The following PHTF2 variants were observed in gnomAD, a reference collection of about 807,000 sequenced individuals.
The protein encoded by PHTF2 is protein PHTF2.
PHTF2 carries 60 observed loss-of-function variants against 101.2 expected under a neutral mutation model. The ratio of observed to expected loss-of-function variants is 0.59; its 90% CI spans 0.48 to 0.73. PHTF2 has a LOEUF of 0.73. Among genes scored for constraint, PHTF2 ranks in the 30% least tolerant of loss-of-function variants. The pLI is 0.00. For missense variants in PHTF2, 747 were observed against 908.7 expected, an observed-to-expected ratio of 0.82 and a Z score of 2.29; for synonymous variants, 311 against 307.3, an observed-to-expected ratio of 1.01 and a Z score of -0.13.
chr7:77,854,648 C>T, intron 2 of PHTF2: 1 of 671,606 alleles, frequency 1.5e-6, no homozygotes, highest in Non-Finnish European at 2.7e-6. Context: ...AAATCTACTC[C>T]ATGCTGTATT....
intron 9 of PHTF2, among the ~76,000 whole-genome samples, chr7:77,917,528 C>T (rs571553925): frequency 6.6e-6 from 1 of 152,286 alleles, no homozygotes; most frequent in East Asian, 1.9e-4. Flanking sequence ...AAATACAATC[C>T]TGCGGGGTTC....
At chr7:77,895,528 T>C (rs921824872) in intron 5 of PHTF2, among the ~76,000 whole-genome samples, 48 of 152,086 alleles carry the variant, frequency 3.2e-4, no homozygotes, top group Admixed American at 1.4e-3. Context: ...ACAGGAGATA[T>C]AAGTACCTTG....
chr7:77,862,046 A>C (rs951634185), intron 3 of PHTF2, among the ~76,000 whole-genome samples: 1 of 151,256 alleles, frequency 6.6e-6, no homozygotes, highest in East Asian at 1.9e-4. Flanking sequence ...AACAAGAGCG[A>C]AACTCCATCT....
intron 1 of PHTF2, among the ~76,000 whole-genome samples, chr7:77,810,067 A>T (rs973355778): frequency 6.6e-6 from 1 of 152,172 alleles, no homozygotes; most frequent in African/African-American, 2.4e-5. Flanking sequence ...ATTTTGATGT[A>T]ATTTTAGATT....
At chr7:77,808,120 C>G (rs1475227702) in intron 1 of PHTF2, among the ~76,000 whole-genome samples, 1 of 152,046 alleles carries the variant, frequency 6.6e-6, no homozygotes, top group East Asian at 1.9e-4. Context: ...AGTGTGAGTC[C>G]TCCAAATTTG....
chr7:77,893,484 T>C (rs1273696445), intron 3 of PHTF2, 124 bp from the exon 3 acceptor site: 1 of 489,322 alleles, frequency 2.0e-6, no homozygotes, highest in East Asian at 3.1e-5. Flanking sequence ...ATCTGAGAAG[T>C]CTGAGATAGG....
rs191793063 is a variant in PHTF2, at chr7:77,948,852, A to C, written c.1960-826A>C. On this transcript the variant is annotated intron_variant, in intron 16 of 19. Transcript: ENST00000416283. Reference sequence around the variant, plus strand: ...GCTGAGAGTATAAATTGGTGCAACTATTTCAGAGACTAACTTACAATATCT... The same window carrying C: ...GCTGAGAGTATAAATTGGTGCAACTCTTTCAGAGACTAACTTACAATATCT... 1.7e-4 allele frequency among the ~76,000 whole-genome samples: 26 copies of C among 152,344 alleles called. No homozygotes were observed. The East Asian group carries it at 4.2e-3, about 25-fold the overall frequency.
intron 5 of PHTF2, among the ~76,000 whole-genome samples, chr7:77,896,493 G>A (rs1304850626): frequency 6.6e-6 from 1 of 152,302 alleles, no homozygotes; most frequent in South Asian, 2.1e-4. Flanking sequence ...GTTCGAGGCT[G>A]TAGTGAGCCA....
intron 1 of PHTF2, among the ~76,000 whole-genome samples, chr7:77,839,508 T>G (rs1795710369): frequency 6.6e-6 from 1 of 152,252 alleles, no homozygotes; most frequent in South Asian, 2.1e-4. Context: ...AATCTGTTTC[T>G]TGTAAGTTAC....
chr7:77,876,594 T>C (rs1244294535), intron 3 of PHTF2, among the ~76,000 whole-genome samples: 1 of 152,204 alleles, frequency 6.6e-6, no homozygotes, highest in African/African-American at 2.4e-5. Context: ...TTCTTTGATT[T>C]AGAAGCTAAA....
chr7:77,849,390 G>A (rs970887922), intron 2 of PHTF2, among the ~76,000 whole-genome samples: 8 of 151,856 alleles, frequency 5.3e-5, no homozygotes, highest in Non-Finnish European at 1.2e-4. Context: ...CACTCACCTC[G>A]GCCTCCTAAG....
intron 3 of PHTF2, among the ~76,000 whole-genome samples, chr7:77,877,168 T>C (rs958408377): frequency 6.7e-6 from 1 of 149,946 alleles, no homozygotes; most frequent in Admixed American, 6.8e-5. Context: ...CAGGCTGGAG[T>C]GCAGTGGCAC....
chr7:77,828,710 A>G (rs1794864252), intron 1 of PHTF2, among the ~76,000 whole-genome samples: 1 of 152,086 alleles, frequency 6.6e-6, no homozygotes, highest in African/African-American at 2.4e-5. Flanking sequence ...TCTGCTAAAA[A>G]TACAAAAATT....
chr7:77,914,680 G>A (rs1435891153), intron 9 of PHTF2, among the ~76,000 whole-genome samples: 2 of 152,040 alleles, frequency 1.3e-5, no homozygotes, highest in Non-Finnish European at 2.9e-5. Flanking sequence ...CAGTTTTGTT[G>A]TCTCTAACAT....
At position 77,866,567 on chromosome 7, in the gene PHTF2, T is replaced by C. The variant is rs149115689; in HGVS notation, c.147+11733T>C. 7.9e-5 allele frequency among the ~76,000 whole-genome samples: 12 copies of C among 152,296 alleles called. 1 individual carries two copies. Among genetic ancestry groups the C allele is most frequent in the African/African-American group, 2.6e-4 (11 of 41,566 alleles). On this transcript the variant is annotated intron_variant, in intron 3 of 19. Coordinates refer to ENST00000416283, the Ensembl canonical transcript of PHTF2. Reference sequence around the variant, plus strand: ...AAGTCAGAAGCTGGGTTTTACCATCTGTAAAACCTGACGTCTCTTAAAGCC... The same window carrying C: ...AAGTCAGAAGCTGGGTTTTACCATCCGTAAAACCTGACGTCTCTTAAAGCC...
intron 12 of PHTF2, among the ~76,000 whole-genome samples, chr7:77,934,329 A>G (rs1434177065): frequency 2.6e-5 from 4 of 152,228 alleles, no homozygotes; most frequent in African/African-American, 4.8e-5. Context: ...TTTTTCTCCT[A>G]TAGCCCTCCT....
At chr7:77,955,400 T>C (rs1806931485) in exon 20 of PHTF2, 2 of 152,688 alleles carry the variant, frequency 1.3e-5, no homozygotes, top group African/African-American at 4.8e-5. Context: ...TTAAGCACCC[T>C]TCAGTATTAA....
intron 2 of PHTF2, among the ~76,000 whole-genome samples, chr7:77,842,886 T>G (rs73375804): frequency 6.6e-6 from 1 of 152,152 alleles, no homozygotes; most frequent in South Asian, 2.1e-4. Context: ...AAAGCAGCCA[T>G]AGACACTATA....
chr7:77,826,740 G>A (rs1794721737), intron 1 of PHTF2, among the ~76,000 whole-genome samples: 1 of 152,150 alleles, frequency 6.6e-6, no homozygotes. Flanking sequence ...TTTCAAAGAG[G>A]ATGATGGAAT....
Sources: gnomAD v4.1 joint callset for allele counts (sites outside exome capture counted in the v4.1 genomes callset) on GRCh38, gnomAD v4.1.1 for gene constraint, MANE v1.5 for transcripts, NCBI Gene and HGNC (gene_info 2026-07-23, HGNC 2026-07-21) for gene names.